Variants in BANK1 observed in about 807,000 individuals in gnomAD.
The protein encoded by BANK1 is B cell scaffold protein with ankyrin repeats 1.
In BANK1, 95 loss-of-function variants were observed where a neutral mutation model predicts 94.5. The ratio of observed to expected loss-of-function variants is 1.00; its 90% CI spans 0.85 to 1.19. The LOEUF (loss-of-function observed/expected upper bound fraction) is 1.19, where lower values mean the gene tolerates loss of function less well. BANK1 is among the 50% of genes most tolerant of loss of function. The probability of loss-of-function intolerance (pLI) is 0.00; values close to 1 mark genes in which losing one functional copy is unlikely to be tolerated. For missense variants in BANK1, 987 were observed against 932.2 expected, an observed-to-expected ratio of 1.06 and a Z score of -0.77; for synonymous variants, 334 against 308.4, an observed-to-expected ratio of 1.08 and a Z score of -0.87.
chr4:101,951,268 TATTTTTAA>T (rs747869874), intron 7 of BANK1, among the ~76,000 whole-genome samples: 13 of 152,156 alleles, frequency 8.5e-5, no homozygotes, highest in Non-Finnish European at 1.6e-4. Flanking sequence ...ATTAAAAGGT[TATTTTTAA>T]AAACCTAATC....
At chr4:101,953,541 TAA>T (rs200653603) in intron 7 of BANK1, among the ~76,000 whole-genome samples, 1 of 143,832 alleles carries the variant, frequency 7.0e-6, no homozygotes, top group African/African-American at 2.5e-5. Context: ...ATCTATTTAG[TAA>T]AAAAAAAAAA....
intron 2 of BANK1, among the ~76,000 whole-genome samples, chr4:101,835,571 G>T (rs1485961692): frequency 6.6e-6 from 1 of 152,134 alleles, no homozygotes; most frequent in African/African-American, 2.4e-5. Flanking sequence ...AGGACAAAAT[G>T]AATAGTAATG....
At chr4:101,929,027 G>C (rs2148904586) in intron 7 of BANK1, among the ~76,000 whole-genome samples, 1 of 151,756 alleles carries the variant, frequency 6.6e-6, no homozygotes, top group Non-Finnish European at 1.5e-5. Context: ...ATAACAACCT[G>C]CTAACTTTAT....
At position 102,074,577 on chromosome 4, in the gene BANK1, C is replaced by CAAATT. The variant is rs1452387421; in HGVS notation, c.*581_*585dup. 6.6e-6 allele frequency: 1 copy of CAAATT among 151,976 alleles called. No homozygotes were observed. The highest frequency in any genetic ancestry group is 1.5e-5 in the Non-Finnish European group (1 of 67,892). 9.4% of individuals were successfully genotyped at this position (151,976 alleles called of 1,614,324 possible). ...ATTATTTGAAAACTTTTCTATATCT[C>CAAATT]AAATTAATATACATTTTCATAACCT... On this transcript the variant is annotated 3_prime_UTR_variant, in exon 17 of 17. Coordinates refer to ENST00000322953, the MANE Select transcript of BANK1 (RefSeq NM_017935.5).
intron 11 of BANK1, among the ~76,000 whole-genome samples, chr4:102,057,307 CCT>C (rs1328045211): frequency 7.2e-6 from 1 of 139,098 alleles, no homozygotes; most frequent in African/African-American, 2.7e-5. Context: ...TTTCTCTCTC[CCT>C]GTTTCTCTAT....
intron 6 of BANK1, among the ~76,000 whole-genome samples, chr4:101,903,431 A>G (rs772468075): frequency 6.6e-6 from 1 of 152,218 alleles, no homozygotes; most frequent in Non-Finnish European, 1.5e-5. Context: ...AATTTGATGT[A>G]AATAAGGAGT....
At chr4:101,855,942 A>T (rs1375486580) in intron 3 of BANK1, among the ~76,000 whole-genome samples, 1 of 152,178 alleles carries the variant, frequency 6.6e-6, no homozygotes, top group East Asian at 1.9e-4. Context: ...CCACTAAAAT[A>T]AGCCTTTCCA....
At chr4:102,034,291 T>C (rs1727423309) in intron 10 of BANK1, among the ~76,000 whole-genome samples, 1 of 152,194 alleles carries the variant, frequency 6.6e-6, no homozygotes, top group African/African-American at 2.4e-5. Flanking sequence ...GCAAAGGAAC[T>C]AGGCAAAGGA....
chr4:102,004,618 G>A (rs1209960054), intron 7 of BANK1, among the ~76,000 whole-genome samples: 1 of 152,166 alleles, frequency 6.6e-6, no homozygotes, highest in Non-Finnish European at 1.5e-5. Flanking sequence ...AATCTGTGAA[G>A]CCTCATAAAG....
chr4:101,928,009 A>G (rs973332266), intron 7 of BANK1, among the ~76,000 whole-genome samples: 1 of 151,656 alleles, frequency 6.6e-6, no homozygotes, highest in Non-Finnish European at 1.5e-5. Context: ...GTCAACTAAG[A>G]TAGGACAGAT....
At chr4:101,837,551 A>G (rs1364164542) in intron 2 of BANK1, among the ~76,000 whole-genome samples, 2 of 152,186 alleles carry the variant, frequency 1.3e-5, no homozygotes, top group African/African-American at 4.8e-5. Context: ...GACTGTAAGG[A>G]CTAAGGTTTC....
intron 7 of BANK1, among the ~76,000 whole-genome samples, chr4:101,946,228 G>T (rs1337910286): frequency 6.6e-6 from 1 of 151,906 alleles, no homozygotes; most frequent in Non-Finnish European, 1.5e-5. Context: ...GTTATGCGAT[G>T]AGATAATATT....
At chr4:101,952,235 A>G (rs1724187006) in intron 7 of BANK1, among the ~76,000 whole-genome samples, 1 of 152,104 alleles carries the variant, frequency 6.6e-6, no homozygotes, top group Non-Finnish European at 1.5e-5. Context: ...TTGTTGTAAC[A>G]TTGTTGAGAA....
chr4:102,074,764 A>G lies in BANK1; in HGVS notation c.*765A>G, dbSNP rs545603775. ...ATGTCTGAGTTTTTAAAGTAAATTTATAAGAATTAGCCAATAAAATTGCTT... is the reference window on the plus strand; with the variant it reads ...ATGTCTGAGTTTTTAAAGTAAATTTGTAAGAATTAGCCAATAAAATTGCTT... On this transcript the variant is annotated 3_prime_UTR_variant, in exon 17 of 17. Transcript: ENST00000322953. 6.6e-6 allele frequency: 1 copy of G among 152,228 alleles called. No homozygotes were observed. The highest frequency in any genetic ancestry group is 2.1e-4 in the South Asian group (1 of 4,834). The allele number at this position is 152,228 out of a possible 1,614,324, so 9.4% of individuals were successfully genotyped here.
chr4:102,062,161 T>G (rs1728439650), intron 12 of BANK1: 1 of 152,236 alleles, frequency 6.6e-6, no homozygotes, highest in Non-Finnish European at 1.5e-5. Context: ...GAAGTCATAT[T>G]ATTATTGATG....
intron 6 of BANK1, among the ~76,000 whole-genome samples, chr4:101,908,019 T>C (rs1359123915): frequency 6.6e-6 from 1 of 152,144 alleles, no homozygotes; most frequent in Non-Finnish European, 1.5e-5. Flanking sequence ...CCCATCAAGC[T>C]ACCAATGACT....
intron 7 of BANK1, among the ~76,000 whole-genome samples, chr4:102,007,419 T>G (rs1285496953): frequency 6.6e-6 from 1 of 151,368 alleles, no homozygotes; most frequent in African/African-American, 2.4e-5. Flanking sequence ...GTGCTAAAAG[T>G]TTAAATTCTT....
chr4:101,829,508 T>G lies in BANK1; in HGVS notation c.71-300T>G, dbSNP rs1036239883. 2.6e-5 allele frequency among the ~76,000 whole-genome samples: 4 copies of G among 152,112 alleles called. No homozygotes were observed. The Middle Eastern group carries it at 0.01, about 388-fold the overall frequency. ...TATTATCTATAACATTATCTATGTCTAATCTACTTATTTCTTTTTCTAATT... is the reference window on the plus strand; with the variant it reads ...TATTATCTATAACATTATCTATGTCGAATCTACTTATTTCTTTTTCTAATT... On this transcript the variant is annotated intron_variant, in intron 1 of 16. Coordinates refer to ENST00000322953, the MANE Select transcript of BANK1 (RefSeq NM_017935.5).
chr4:101,843,085 A>G (rs556615349), intron 2 of BANK1, among the ~76,000 whole-genome samples: 12 of 152,292 alleles, frequency 7.9e-5, no homozygotes, highest in Non-Finnish European at 1.6e-4. Flanking sequence ...TGTTGGAAAC[A>G]TTTTCTTTTT....
Sources: gnomAD v4.1 joint callset for allele counts (sites outside exome capture counted in the v4.1 genomes callset) on GRCh38, gnomAD v4.1.1 for gene constraint, MANE v1.5 for transcripts, NCBI Gene and HGNC (gene_info 2026-07-23, HGNC 2026-07-21) for gene names.